Variants in PDE8A observed in about 807,000 individuals in gnomAD.
PDE8A encodes high affinity cAMP-specific and IBMX-insensitive 3',5'-cyclic phosphodiesterase 8A.
Under a neutral mutation model 105.0 loss-of-function variants are expected in PDE8A, and 59 were observed. That is an observed-to-expected ratio of 0.56 (90% CI 0.46 to 0.70). The LOEUF is 0.70. Ranked by LOEUF, PDE8A falls within the 30% of genes least tolerant of loss-of-function variation. PDE8A has a pLI of 0.00. For synonymous variants in PDE8A, 355 were observed against 371.9 expected (o/e 0.95, Z 0.52); for missense variants, 1,014 against 1,045.9 (o/e 0.97, Z 0.42).
chr15:85,108,305 T>C (rs534103358), intron 11 of PDE8A, among the ~76,000 whole-genome samples: 57 of 152,302 alleles, frequency 3.7e-4, no homozygotes, highest in African/African-American at 1.3e-3. Context: ...GAGAAGCTAC[T>C]CCATGGCTGT....
At chr15:85,062,133 A>G (rs949029776) in intron 1 of PDE8A, among the ~76,000 whole-genome samples, 1 of 151,988 alleles carries the variant, frequency 6.6e-6, no homozygotes, top group Non-Finnish European at 1.5e-5. Flanking sequence ...TTTTCATTTG[A>G]ATTGGCTGTA....
intron 1 of PDE8A, among the ~76,000 whole-genome samples, chr15:84,987,174 T>C (rs1375562747): frequency 6.6e-6 from 1 of 152,208 alleles, no homozygotes; most frequent in Non-Finnish European, 1.5e-5. Flanking sequence ...TATAGAAAGA[T>C]ATTTCTTTAT....
intron 1 of PDE8A, among the ~76,000 whole-genome samples, chr15:85,045,032 C>G (rs1482452285): frequency 6.6e-6 from 1 of 152,168 alleles, no homozygotes; most frequent in Non-Finnish European, 1.5e-5. Context: ...CTCCAGTGTC[C>G]CACCTTATTT....
chr15:85,098,181 C>T (rs2081792500), intron 9 of PDE8A, 145 bp downstream of exon 9: 5 of 648,978 alleles, frequency 7.7e-6, no homozygotes, highest in Non-Finnish European at 8.3e-6. Context: ...ATAGTGTTTT[C>T]TTGGTGACTT....
Position 85,138,525 on chromosome 15 carries a change from T to C in PDE8A, c.*622T>C, listed in dbSNP as rs2082450013. The C allele has an allele frequency of 6.5e-6, 1 of 152,692 alleles. No individual in the cohort carries two copies. The highest frequency in any genetic ancestry group is 1.5e-5 in the Non-Finnish European group (1 of 68,048). The allele number at this position is 152,692 out of a possible 1,614,324, so 9.5% of individuals were successfully genotyped here. On this transcript the variant is annotated 3_prime_UTR_variant, in exon 22 of 22. Transcript: ENST00000394553. ...CAACTTCAAATACCGTGACCAAATT[T>C]ACATGATTCATATTCATTATGCATT...
chr15:84,982,558 G>C (rs937680555), intron 1 of PDE8A, among the ~76,000 whole-genome samples: 2 of 152,208 alleles, frequency 1.3e-5, no homozygotes, highest in Admixed American at 1.3e-4. Flanking sequence ...TGATTTCCTA[G>C]GGTTGCGATT....
intron 1 of PDE8A, among the ~76,000 whole-genome samples, chr15:85,010,514 A>G (rs1008692283): frequency 3.3e-5 from 5 of 152,202 alleles, no homozygotes; most frequent in African/African-American, 1.2e-4. Flanking sequence ...TGTGGGCACC[A>G]TGTCCTGAAC....
Position 85,120,946 on chromosome 15 carries a change from C to G in PDE8A, c.1884C>G (p.His628Gln). ...ATGACACTGCTGTGCTGGAGAGCCA[C>G]CATGCGGCCTTGGCCTTCCAGCTGA... Reference protein sequence around the residue: ...LYNDTAVLESHHAALAFQLTT... With the variant: ...LYNDTAVLESQHAALAFQLTT... Residue 628 changes from histidine (H) to glutamine (Q), a missense_variant, in exon 18 of 22, where the codon CAC becomes CAG. Coordinates refer to ENST00000394553, the MANE Select transcript of PDE8A (RefSeq NM_002605.3). 1 of 1,614,076 alleles carries G rather than the reference C, an allele frequency of 6.2e-7. No homozygotes were observed. Among genetic ancestry groups the G allele is most frequent in the African/African-American group, 1.3e-5 (1 of 75,044 alleles).
chr15:84,993,190 T>A (rs930683070), intron 1 of PDE8A, among the ~76,000 whole-genome samples: 1 of 151,386 alleles, frequency 6.6e-6, no homozygotes, highest in Non-Finnish European at 1.5e-5. Context: ...ATGCCTGTAA[T>A]CCCAGCACTT....
At chr15:85,054,694 A>G (rs1266515950) in intron 1 of PDE8A, among the ~76,000 whole-genome samples, 2 of 150,862 alleles carry the variant, frequency 1.3e-5, no homozygotes, top group Non-Finnish European at 3.0e-5. Flanking sequence ...TGTCTATTTG[A>G]TTCTTCTCTC....
chr15:85,116,267 T>C, intron 16 of PDE8A, 148 bp downstream of exon 16: 1 of 691,186 alleles, frequency 1.4e-6, no homozygotes, highest in Non-Finnish European at 2.4e-6. Flanking sequence ...CAGGTGGCTC[T>C]GAGTCACCAG....
chr15:85,065,483 T>TAA (rs573642824), intron 2 of PDE8A, among the ~76,000 whole-genome samples: 12,324 of 141,868 alleles, frequency 0.087, 1,425 homozygotes, highest in African/African-American at 0.27. Flanking sequence ...AAAGTATAAT[T>TAA]AAAAAAAAAA....
chr15:85,060,784 T>C (rs898129418), intron 1 of PDE8A, among the ~76,000 whole-genome samples: 13 of 152,208 alleles, frequency 8.5e-5, no homozygotes, highest in Non-Finnish European at 1.8e-4. Context: ...CAAACTGTAT[T>C]CATCTCTTAA....
upstream of PDE8A, among the ~76,000 whole-genome samples, chr15:84,981,128 C>T (rs2079700034): frequency 6.6e-6 from 1 of 152,234 alleles, no homozygotes; most frequent in African/African-American, 2.4e-5. Context: ...GTTACGGAGC[C>T]GGAATTCGAA....
At chr15:85,011,357 A>G (rs1196333432) in intron 1 of PDE8A, among the ~76,000 whole-genome samples, 4 of 152,098 alleles carry the variant, frequency 2.6e-5, no homozygotes, top group Admixed American at 2.6e-4. Flanking sequence ...GGAGCCAGAG[A>G]GTACTGGTCC....
chr15:85,000,791 T>C (rs913252323), intron 1 of PDE8A, among the ~76,000 whole-genome samples: 1 of 152,234 alleles, frequency 6.6e-6, no homozygotes, highest in African/African-American at 2.4e-5. Flanking sequence ...TCTTTACCAC[T>C]GTAGAGCCAG....
intron 11 of PDE8A, among the ~76,000 whole-genome samples, chr15:85,108,176 G>A (rs1254432033): frequency 6.6e-6 from 1 of 152,188 alleles, no homozygotes; most frequent in Non-Finnish European, 1.5e-5. Context: ...ATTGGGCAAA[G>A]AAGCAAAGAG....
intron 14 of PDE8A, chr15:85,115,133 C>T (rs966517085): frequency 6.1e-5 from 22 of 358,932 alleles, no homozygotes; most frequent in Non-Finnish European, 1.1e-4. Flanking sequence ...AGCAAGAATG[C>T]TGGGCTTAAA....
intron 16 of PDE8A, among the ~76,000 whole-genome samples, chr15:85,117,051 G>C (rs181125578): frequency 2.0e-5 from 3 of 152,186 alleles, no homozygotes; most frequent in African/African-American, 4.8e-5. Flanking sequence ...CCAGATGCTG[G>C]GTCAAGGTGA....
Sources: allele counts gnomAD v4.1 joint callset (sites outside exome capture counted in the v4.1 genomes callset), GRCh38; gene constraint gnomAD v4.1.1; transcripts MANE v1.5; gene names NCBI Gene and HGNC (gene_info 2026-07-23, HGNC 2026-07-21).